CAMTA1: variants seen among roughly 807,000 people sequenced by gnomAD.
The protein encoded by CAMTA1 is calmodulin binding transcription activator 1, also known as calmodulin-binding transcription activator 1.
CAMTA1 carries 27 observed loss-of-function variants against 170.9 expected under a neutral mutation model. That is an observed-to-expected ratio of 0.16 (90% CI 0.12 to 0.22). The LOEUF is 0.22. CAMTA1 is among the 10% of genes least tolerant of loss of function. CAMTA1 has a pLI of 1.00. For missense variants in CAMTA1, 1,619 were observed against 2,217.2 expected, an observed-to-expected ratio of 0.73 and a Z score of 5.42; for synonymous variants, 833 against 891.5, an observed-to-expected ratio of 0.93 and a Z score of 1.17.
chr1:7,337,962 G>GTA (rs573913106), intron 5 of CAMTA1, among the ~76,000 whole-genome samples: 42 of 146,008 alleles, frequency 2.9e-4, no homozygotes, highest in East Asian at 3.9e-4. Flanking sequence ...AAATAAACAT[G>GTA]TATATATATA....
intron 5 of CAMTA1, among the ~76,000 whole-genome samples, chr1:7,450,828 G>T (rs374641394): frequency 2.6e-5 from 4 of 152,220 alleles, no homozygotes; most frequent in Non-Finnish European, 5.9e-5. Context: ...ATGCAGGACC[G>T]AGGGTGAGAG....
intron 3 of CAMTA1, among the ~76,000 whole-genome samples, chr1:6,944,904 T>A (rs1019917529): frequency 6.6e-6 from 1 of 152,216 alleles, no homozygotes; most frequent in African/African-American, 2.4e-5. Flanking sequence ...GGCAAAGCTA[T>A]GGTGTTTGAT....
chr1:7,221,387 CTT>C (rs201417498), intron 4 of CAMTA1, among the ~76,000 whole-genome samples: 2,374 of 152,296 alleles, frequency 0.016, 22 homozygotes, highest in Non-Finnish European at 0.019. Flanking sequence ...CACCCAGAGT[CTT>C]GCCTTCGGGG....
chr1:7,618,503 ACT>A (rs1475404404), intron 6 of CAMTA1, among the ~76,000 whole-genome samples: 2 of 152,104 alleles, frequency 1.3e-5, no homozygotes, highest in African/African-American at 2.4e-5. Flanking sequence ...CCAAAGACTG[ACT>A]CTGTACTGTT....
At chr1:6,943,112 C>T (rs917716543) in intron 3 of CAMTA1, among the ~76,000 whole-genome samples, 14 of 152,086 alleles carry the variant, frequency 9.2e-5, no homozygotes, top group African/African-American at 3.4e-4. Context: ...GTGACTGGCC[C>T]TCATTCCTTA....
chr1:6,966,980 G>A (rs1691669824), intron 3 of CAMTA1, among the ~76,000 whole-genome samples: 1 of 151,268 alleles, frequency 6.6e-6, no homozygotes, highest in Non-Finnish European at 1.5e-5. Context: ...GGTGGCTCAC[G>A]CCTGTAATCC....
At position 7,545,069 on chromosome 1, in the gene CAMTA1, T is replaced by C. The variant is rs139474837; in HGVS notation, c.510+77168T>C. On this transcript the variant is annotated intron_variant, in intron 6 of 22. Coordinates refer to ENST00000303635, the MANE Select transcript of CAMTA1 (RefSeq NM_015215.4). ...AAACCATAGCAAACACCAAAACTTA[T>C]ATATTATCGTGGTCATTCATGCCTC... is the stretch of plus-strand genomic sequence containing the variant. Among the ~76,000 whole-genome samples, 418 of 152,312 alleles carry C rather than the reference T, an allele frequency of 2.7e-3. 3 individuals are homozygous for C. Among genetic ancestry groups the C allele is most frequent in the African/African-American group, 9.5e-3 (396 of 41,548 alleles).
In CAMTA1 at chr1:7,249,713, G is replaced by A. The variant is rs116487972; in HGVS notation, c.438+87G>A. The A allele has an allele frequency of 1.1e-4, 163 of 1,461,380 alleles. No individual in the cohort carries two copies. The highest frequency in any genetic ancestry group is 8.2e-4 in the Admixed American group (37 of 45,314). The allele number at this position is 1,461,380 out of a possible 1,614,324, so 90.5% of individuals were successfully genotyped here. A position where few individuals can be genotyped will look rare whatever the true frequency, so the allele number is the denominator to read the frequency against. On this transcript the variant is annotated intron_variant, in intron 5 of 22. Coordinates refer to ENST00000303635, the MANE Select transcript of CAMTA1 (RefSeq NM_015215.4). The surrounding 1 kb of genome is among the most constrained non-coding windows in gnomAD (Gnocchi z 4.4). ...GGAATTGCTTGGAGTAATTTGATGC[G>A]AGTCACCTCTGTCCAAAGAATTTTT...
intron 6 of CAMTA1, among the ~76,000 whole-genome samples, chr1:7,605,184 T>C (rs1045309289): frequency 3.3e-5 from 5 of 152,202 alleles, no homozygotes; most frequent in Non-Finnish European, 5.9e-5. Context: ...AGCTGCATGA[T>C]GGGGGAACCA....
rs2096740359 is a variant in CAMTA1, at chr1:7,732,376, G to C, written c.2915-72G>C. The C allele has an allele frequency of 2.9e-6, 4 of 1,375,548 alleles. 1 individual carries two copies. In the Admixed American group the frequency reaches 6.8e-5, roughly 24 times the overall value. 85.2% of individuals were successfully genotyped at this position (1,375,548 alleles called of 1,614,324 possible). A position where few individuals can be genotyped will look rare whatever the true frequency, so the allele number is the denominator to read the frequency against. ...CGGCATTTGGATGCTGGTCCCGCAA[G>C]GCTGGCGAGGCCACGTGTTGACTGC... On this transcript the variant is annotated intron_variant, in intron 11 of 22. Coordinates refer to ENST00000303635, the MANE Select transcript of CAMTA1 (RefSeq NM_015215.4). This position sits in a 1 kb window ranked among gnomAD's most constrained non-coding sequence, Gnocchi z 4.1.
intron 5 of CAMTA1, among the ~76,000 whole-genome samples, chr1:7,373,070 C>A (rs1238068552): frequency 6.6e-6 from 1 of 152,306 alleles, no homozygotes; most frequent in East Asian, 1.9e-4. Flanking sequence ...GCATGGGAAC[C>A]AGGGGAAGAA....
chr1:7,727,526 C>A (rs1369028988), intron 11 of CAMTA1, among the ~76,000 whole-genome samples: 1 of 152,208 alleles, frequency 6.6e-6, no homozygotes, highest in Middle Eastern at 3.2e-3. Context: ...TCTAAGTACT[C>A]CCTACTGCCT....
In CAMTA1 at chr1:6,934,915, G is replaced by A. The variant is rs1055674859; in HGVS notation, c.234+109705G>A. ...GTCCACCAAACTCCTTAGGCCAGTCGAAAGCACCTAACTCAGACCACAGGC... is the reference window on the plus strand; with the variant it reads ...GTCCACCAAACTCCTTAGGCCAGTCAAAAGCACCTAACTCAGACCACAGGC... On this transcript the variant is annotated intron_variant, in intron 3 of 22. Coordinates refer to ENST00000303635, the MANE Select transcript of CAMTA1 (RefSeq NM_015215.4). The surrounding 1 kb of genome is among the most constrained non-coding windows in gnomAD (Gnocchi z 4.5). Among the ~76,000 whole-genome samples the A allele has an allele frequency of 3.3e-5, 5 of 152,148 alleles. No individual in the cohort carries two copies. Among genetic ancestry groups the A allele is most frequent in the African/African-American group, 4.8e-5 (2 of 41,408 alleles).
At chr1:7,004,101 G>A (rs1047907935) in intron 3 of CAMTA1, among the ~76,000 whole-genome samples, 1 of 152,112 alleles carries the variant, frequency 6.6e-6, no homozygotes, top group African/African-American at 2.4e-5. Context: ...TAGGAAATGG[G>A]AATTATGGTG....
At chr1:7,537,394 C>G (rs891068493) in intron 6 of CAMTA1, among the ~76,000 whole-genome samples, 1 of 152,252 alleles carries the variant, frequency 6.6e-6, no homozygotes, top group East Asian at 1.9e-4. Flanking sequence ...TGCAGCCCCA[C>G]CAGCTTCAGA....
intron 6 of CAMTA1, among the ~76,000 whole-genome samples, chr1:7,601,987 G>A (rs967299809): frequency 4.2e-5 from 5 of 118,904 alleles, no homozygotes; most frequent in East Asian, 2.2e-4. Flanking sequence ...GAGGGAGACC[G>A]TGGGGAGAGG....
rs1396595172 is a variant in CAMTA1 at position 7,300,582 on chromosome 1, TAGG to T, written c.438+50959_438+50961del. Among the ~76,000 whole-genome samples, 1 of 151,700 alleles carries T rather than the reference TAGG, an allele frequency of 6.6e-6. No homozygotes were observed. Among genetic ancestry groups the T allele is most frequent in the Admixed American group, 6.6e-5 (1 of 15,232 alleles). On this transcript the variant is annotated intron_variant, in intron 5 of 22. Transcript: ENST00000303635. This position sits in a 1 kb window ranked among gnomAD's most constrained non-coding sequence, Gnocchi z 4.1. ...ACCCCAGCTATTCGGGAGGCTGAGGTAGGAGAATCACTTGAACCCGGGAGGCAG... is the reference window on the plus strand; with the variant it reads ...ACCCCAGCTATTCGGGAGGCTGAGGTAGAATCACTTGAACCCGGGAGGCAG...
chr1:7,488,343 C>T (rs2093645834), intron 6 of CAMTA1, among the ~76,000 whole-genome samples: 2 of 152,094 alleles, frequency 1.3e-5, no homozygotes, highest in Admixed American at 6.5e-5. Context: ...GCTCCAGACC[C>T]TGGTGTCTGG....
Position 7,641,067 on chromosome 1 carries a change from G to A in CAMTA1, c.664+514G>A, listed in dbSNP as rs1448613230. On this transcript the variant is annotated intron_variant, in intron 7 of 22. Transcript: ENST00000303635. The surrounding 1 kb of genome is among the most constrained non-coding windows in gnomAD (Gnocchi z 4.5). The stretch of plus-strand genomic sequence containing the variant: ...TGGATTTCATTTTGTCAGCAAAGTG[G>A]TGCTTTCTGAAGCATCTGTCAGGTG... Among the ~76,000 whole-genome samples the A allele has an allele frequency of 6.6e-6, 1 of 152,222 alleles. No individual in the cohort carries two copies. Among genetic ancestry groups the A allele is most frequent in the Non-Finnish European group, 1.5e-5 (1 of 68,032 alleles).
Sources: allele counts gnomAD v4.1 joint callset (sites outside exome capture counted in the v4.1 genomes callset), GRCh38; gene constraint gnomAD v4.1.1; non-coding constraint Gnocchi (gnomAD v3.1); transcripts MANE v1.5; gene names NCBI Gene and HGNC (gene_info 2026-07-23, HGNC 2026-07-21).